The following SPAG16 variants were observed in gnomAD, a reference collection of about 807,000 sequenced individuals.
SPAG16 encodes sperm associated antigen 16.
A neutral mutation model predicts 80.4 loss-of-function variants in SPAG16; 86 were observed. The observed-to-expected ratio is 1.07, with a 90% CI of 0.90 to 1.28. The LOEUF (loss-of-function observed/expected upper bound fraction) is 1.28. SPAG16 is among the 50% of genes most tolerant of loss of function. The pLI is 0.00. For missense variants in SPAG16, 870 were observed against 765.3 expected (o/e 1.14, Z -1.61); for synonymous variants, 294 against 265.9 (o/e 1.11, Z -1.03).
chr2:214,243,941 C>T lies in SPAG16; in HGVS notation c.1720+94675C>T, dbSNP rs375171312. Among the ~76,000 whole-genome samples, 5 of 152,062 alleles carry T rather than the reference C, an allele frequency of 3.3e-5. 1 individual carries two copies. Among genetic ancestry groups the T allele is most frequent in the Non-Finnish European group, 7.4e-5 (5 of 67,972 alleles). On this transcript the variant is annotated intron_variant, in intron 15 of 15. Coordinates refer to ENST00000331683, the MANE Select transcript of SPAG16 (RefSeq NM_024532.5). ...AGGTTTTACCCCCAAGACACATATA[C>T]GACAGAAAGACAGGAAAGTGTAATG...
At chr2:214,232,570 TCTGA>T (rs1688772195) in intron 15 of SPAG16, among the ~76,000 whole-genome samples, 1 of 148,628 alleles carries the variant, frequency 6.7e-6, no homozygotes, top group African/African-American at 2.5e-5. Flanking sequence ...ACTGCTCACC[TCTGA>T]CTGTGAAGGA....
intron 9 of SPAG16, among the ~76,000 whole-genome samples, chr2:213,412,953 C>A (rs190042502): frequency 2.0e-5 from 3 of 152,084 alleles, no homozygotes; most frequent in Admixed American, 2.0e-4. Context: ...ATTTTAAAAT[C>A]TGCAATGTTA....
At chr2:213,826,990 T>G (rs1412162652) in intron 10 of SPAG16, among the ~76,000 whole-genome samples, 2 of 151,966 alleles carry the variant, frequency 1.3e-5, no homozygotes, top group Non-Finnish European at 2.9e-5. Context: ...TTGTCTTTTC[T>G]TATGGTTTTT....
intron 14 of SPAG16, among the ~76,000 whole-genome samples, chr2:214,120,225 T>G (rs2054148326): frequency 6.6e-6 from 1 of 151,704 alleles, no homozygotes; most frequent in African/African-American, 2.4e-5. Context: ...CTTTACTACT[T>G]TGTGTGGCAT....
Position 213,804,691 on chromosome 2 carries a change from AAC to A in SPAG16, c.1071-57793_1071-57792del, listed in dbSNP as rs2071645164. 4.9e-3 allele frequency among the ~76,000 whole-genome samples: 481 copies of A among 98,392 alleles called. 3 individuals are homozygous for A. The highest frequency in any genetic ancestry group is 0.013 in the African/African-American group (461 of 34,190). 64.5% of individuals were successfully genotyped at this position (98,392 alleles called of 152,430 possible). Reference sequence around the variant, plus strand: ...GAGCGAGACTCCGTCTCAACTAACTAACTAACTAACTAACTAACTAACTAACT... The same window carrying A: ...GAGCGAGACTCCGTCTCAACTAACTATAACTAACTAACTAACTAACTAACT... On this transcript the variant is annotated intron_variant, in intron 10 of 15. Coordinates refer to ENST00000331683, the MANE Select transcript of SPAG16 (RefSeq NM_024532.5).
In SPAG16 at chr2:213,316,719, C is replaced by T. The variant is rs112869149; in HGVS notation, c.399-500C>T. On this transcript the variant is annotated intron_variant, in intron 4 of 15. Coordinates refer to ENST00000331683, the MANE Select transcript of SPAG16 (RefSeq NM_024532.5). Reference sequence around the variant, plus strand: ...TTTTCCATCTGCCCCAGCTGCTTCTCTCCCAGCTATCCACATAACACAGTC... The same window carrying T: ...TTTTCCATCTGCCCCAGCTGCTTCTTTCCCAGCTATCCACATAACACAGTC... Among the ~76,000 whole-genome samples the T allele has an allele frequency of 4.6e-3, 700 of 152,182 alleles. 3 individuals are homozygous for T. The highest frequency in any genetic ancestry group is 0.01 in the Middle Eastern group (3 of 294).
At chr2:213,366,712 C>T (rs892864392) in intron 8 of SPAG16, among the ~76,000 whole-genome samples, 3 of 152,132 alleles carry the variant, frequency 2.0e-5, no homozygotes, top group African/African-American at 7.2e-5. Context: ...GGTGGGGACA[C>T]AGCCCAAACC....
rs186821621 is a variant in SPAG16, at chr2:213,765,651, A to G, written c.1071-96834A>G. Among the ~76,000 whole-genome samples the G allele has an allele frequency of 2.7e-3, 411 of 152,222 alleles. 3 individuals are homozygous for G. The highest frequency in any genetic ancestry group is 3.5e-3 in the Non-Finnish European group (238 of 68,006). On this transcript the variant is annotated intron_variant, in intron 10 of 15. Transcript: ENST00000331683. The stretch of plus-strand genomic sequence containing the variant: ...TTCTTCTATCTCAAATTCTTCCAGT[A>G]TATACTCATTCTTCTTCCTCCAACC...
intron 14 of SPAG16, among the ~76,000 whole-genome samples, chr2:214,110,965 CT>C (rs989608513): frequency 6.6e-6 from 1 of 151,932 alleles, no homozygotes; most frequent in Non-Finnish European, 1.5e-5. Flanking sequence ...CCTTTGCCCA[CT>C]TTTTGATGGG....
chr2:213,608,332 A>G (rs2061334443), intron 10 of SPAG16, among the ~76,000 whole-genome samples: 1 of 151,468 alleles, frequency 6.6e-6, no homozygotes, highest in African/African-American at 2.4e-5. Flanking sequence ...TCCTCCCCCC[A>G]CCCCACAACA....
intron 10 of SPAG16, among the ~76,000 whole-genome samples, chr2:213,560,201 G>T (rs555777214): frequency 1.3e-5 from 2 of 151,934 alleles, no homozygotes; most frequent in Non-Finnish European, 2.9e-5. Flanking sequence ...ATAGGTTTGT[G>T]GATCTCAGCA....
At chr2:213,777,277 C>T (rs925780246) in intron 10 of SPAG16, among the ~76,000 whole-genome samples, 6 of 105,474 alleles carry the variant, frequency 5.7e-5, no homozygotes, top group African/African-American at 2.2e-4. Context: ...GACGTAGTCT[C>T]ATTCTGTCGC....
chr2:213,936,456 G>C (rs1374323302), intron 12 of SPAG16, among the ~76,000 whole-genome samples: 1 of 152,106 alleles, frequency 6.6e-6, no homozygotes, highest in Non-Finnish European at 1.5e-5. Flanking sequence ...GCAGAGGTGG[G>C]GTGAAAGCTT....
chr2:213,441,327 A>G (rs2070939644), intron 9 of SPAG16, among the ~76,000 whole-genome samples: 1 of 152,238 alleles, frequency 6.6e-6, no homozygotes, highest in Non-Finnish European at 1.5e-5. Context: ...TGTAGAAAGC[A>G]CTGTAATATG....
intron 10 of SPAG16, among the ~76,000 whole-genome samples, chr2:213,731,439 C>G (rs148242955): frequency 3.3e-5 from 5 of 149,610 alleles, no homozygotes; most frequent in African/African-American, 7.4e-5. Context: ...GGATTACAGG[C>G]GTGAGCCACC....
intron 9 of SPAG16, among the ~76,000 whole-genome samples, chr2:213,464,675 C>G (rs189547216): frequency 6.6e-6 from 1 of 152,158 alleles, no homozygotes; most frequent in Non-Finnish European, 1.5e-5. Context: ...TGGGCTCCAG[C>G]GGGGAGACAC....
chr2:214,388,163 A>G (rs1377166134), intron 15 of SPAG16, among the ~76,000 whole-genome samples: 1 of 151,940 alleles, frequency 6.6e-6, no homozygotes, highest in Non-Finnish European at 1.5e-5. Flanking sequence ...CTGACCTGGA[A>G]AAATATTAAC....
chr2:213,298,448 A>G (rs1031745475), intron 3 of SPAG16, among the ~76,000 whole-genome samples: 4 of 152,220 alleles, frequency 2.6e-5, no homozygotes, highest in Non-Finnish European at 5.9e-5. Flanking sequence ...TTACATCACT[A>G]AGGATTTTGA....
At chr2:213,921,152 G>A (rs2078205222) in intron 11 of SPAG16, among the ~76,000 whole-genome samples, 2 of 152,194 alleles carry the variant, frequency 1.3e-5, no homozygotes, top group African/African-American at 4.8e-5. Flanking sequence ...TGTCAGGAGT[G>A]TGCCAATTTT....
Sources: allele counts gnomAD v4.1 joint callset (sites outside exome capture counted in the v4.1 genomes callset), GRCh38; gene constraint gnomAD v4.1.1; transcripts MANE v1.5; gene names NCBI Gene and HGNC (gene_info 2026-07-23, HGNC 2026-07-21).